EPB41L5: variants seen among roughly 807,000 people sequenced by gnomAD.
EPB41L5 encodes the protein erythrocyte membrane protein band 4.1 like 5.
EPB41L5 carries 55 observed loss-of-function variants against 106.6 expected under a neutral mutation model. The ratio of observed to expected loss-of-function variants is 0.52; its 90% CI spans 0.42 to 0.65. EPB41L5 has a LOEUF of 0.65. Among genes scored for constraint, EPB41L5 ranks in the 30% least tolerant of loss-of-function variants. The probability of loss-of-function intolerance (pLI) is 0.00; values close to 1 mark genes in which losing one functional copy is unlikely to be tolerated. For missense variants in EPB41L5, 871 were observed against 882.1 expected, an observed-to-expected ratio of 0.99 and a Z score of 0.16; for synonymous variants, 297 against 306.7, an observed-to-expected ratio of 0.97 and a Z score of 0.33.
chr2:120,064,897 A>G (rs1326304658), intron 3 of EPB41L5, among the ~76,000 whole-genome samples: 1 of 152,202 alleles, frequency 6.6e-6, no homozygotes, highest in Non-Finnish European at 1.5e-5. Flanking sequence ...ACTTGAGAAT[A>G]TGCAAACATG....
rs13416249 is a variant in EPB41L5, at chr2:120,060,608, G to T, written c.286-12570G>T. 1.8e-3 allele frequency among the ~76,000 whole-genome samples: 279 copies of T among 152,270 alleles called. 1 individual carries two copies. Among genetic ancestry groups the T allele is most frequent in the African/African-American group, 6.3e-3 (263 of 41,558 alleles). ...AAATTAATGGTTGCTAAGGGTTAGG[G>T]ATATTGGCGTTGGGGGAGTGGTGAC... On this transcript the variant is annotated intron_variant, in intron 3 of 24. Transcript: ENST00000263713.
At chr2:120,085,765 T>G (rs1683013377) in intron 10 of EPB41L5, among the ~76,000 whole-genome samples, 1 of 152,240 alleles carries the variant, frequency 6.6e-6, no homozygotes, top group Non-Finnish European at 1.5e-5. Flanking sequence ...TTTTGGGTGT[T>G]AAATCCCCTC....
intron 9 of EPB41L5, among the ~76,000 whole-genome samples, chr2:120,078,049 G>A (rs1682379032): frequency 6.6e-6 from 1 of 152,062 alleles, no homozygotes; most frequent in African/African-American, 2.4e-5. Flanking sequence ...GAACAGCAAG[G>A]GGGAAGTCCG....
chr2:120,049,787 T>C (rs1680094959), intron 3 of EPB41L5, among the ~76,000 whole-genome samples: 1 of 152,224 alleles, frequency 6.6e-6, no homozygotes, highest in Admixed American at 6.5e-5. Flanking sequence ...GGCATGGTTT[T>C]GCAGTGGCTG....
At chr2:120,080,163 G>A (rs1682543496) in intron 10 of EPB41L5, among the ~76,000 whole-genome samples, 1 of 150,986 alleles carries the variant, frequency 6.6e-6, no homozygotes, top group South Asian at 2.1e-4. Flanking sequence ...AAGTGTGCAG[G>A]TTTGTTACGT....
intron 3 of EPB41L5, among the ~76,000 whole-genome samples, chr2:120,056,116 T>G (rs951871813): frequency 6.6e-6 from 1 of 152,168 alleles, no homozygotes; most frequent in African/African-American, 2.4e-5. Context: ...TTTCTATTCC[T>G]AGTTCGTTGA....
At chr2:120,020,154 A>G (rs1226322358) in intron 2 of EPB41L5, among the ~76,000 whole-genome samples, 3 of 152,186 alleles carry the variant, frequency 2.0e-5, no homozygotes, top group Non-Finnish European at 4.4e-5. Flanking sequence ...TGTGAGCTTC[A>G]TAGGATATTC....
intron 2 of EPB41L5, among the ~76,000 whole-genome samples, chr2:120,024,786 G>T (rs573720779): frequency 6.6e-6 from 1 of 152,208 alleles, no homozygotes; most frequent in South Asian, 2.1e-4. Flanking sequence ...CATTGGTTCT[G>T]TTTAGGTGAT....
chr2:120,075,974 T>A (rs935338547), intron 7 of EPB41L5, among the ~76,000 whole-genome samples: 8 of 152,196 alleles, frequency 5.3e-5, no homozygotes, highest in Admixed American at 4.6e-4. Flanking sequence ...TGTTGAAACG[T>A]CATACTCTAC....
intron 8 of EPB41L5, 32 bp from the exon 9 acceptor site, chr2:120,077,197 G>T: frequency 6.3e-7 from 1 of 1,585,470 alleles, no homozygotes; most frequent in Non-Finnish European, 8.6e-7. Flanking sequence ...TATATTTATT[G>T]TTACTTTAAA....
At chr2:120,068,127 G>C (rs916902376) in intron 3 of EPB41L5, among the ~76,000 whole-genome samples, 4 of 152,206 alleles carry the variant, frequency 2.6e-5, no homozygotes, top group Non-Finnish European at 5.9e-5. Context: ...AGCTCATGGA[G>C]GGCAAGCCGA....
intron 3 of EPB41L5, among the ~76,000 whole-genome samples, chr2:120,048,089 T>C (rs191299614): frequency 0.023 from 3,336 of 148,070 alleles, 119 homozygotes; most frequent in African/African-American, 0.078. Context: ...AGTTTTGCAT[T>C]GATGTTCATC....
chr2:120,130,777 G>T lies in EPB41L5; in HGVS notation c.1502-841G>T, dbSNP rs532600387. 4.1e-4 allele frequency among the ~76,000 whole-genome samples: 62 copies of T among 152,296 alleles called. 1 individual carries two copies. In the South Asian group the frequency reaches 0.013, roughly 31 times the overall value. On this transcript the variant is annotated intron_variant, in intron 17 of 24. Coordinates refer to ENST00000263713, the MANE Select transcript of EPB41L5 (RefSeq NM_020909.4). The stretch of plus-strand genomic sequence containing the variant: ...GAAAGCTCTCCAGCTGATTGTTAAC[G>T]TGTATCCGGGGCCTCCACTCAGTTA...
chr2:120,094,509 G>A (rs1238031449), intron 14 of EPB41L5, among the ~76,000 whole-genome samples: 1 of 148,524 alleles, frequency 6.7e-6, no homozygotes, highest in African/African-American at 2.5e-5. Flanking sequence ...CTAGCAAAAG[G>A]TTTGTCAATT....
chr2:120,167,247 A>T (rs1320243354), intron 22 of EPB41L5, among the ~76,000 whole-genome samples: 2 of 152,236 alleles, frequency 1.3e-5, no homozygotes, highest in African/African-American at 2.4e-5. Flanking sequence ...GAGATTCTCA[A>T]AATTATGACA....
intron 24 of EPB41L5, among the ~76,000 whole-genome samples, chr2:120,171,068 G>A (rs1293744655): frequency 6.6e-6 from 1 of 152,212 alleles, no homozygotes; most frequent in Non-Finnish European, 1.5e-5. Context: ...TTACTTTGCA[G>A]CGTTCTCTGT....
chr2:120,146,156 A>T, intron 19 of EPB41L5, 69 bp from the exon 20 acceptor site: 1 of 939,946 alleles, frequency 1.1e-6, no homozygotes, highest in South Asian at 1.5e-5. Flanking sequence ...ACCAGAAAGA[A>T]ATGTAAATTT....
Position 120,088,288 on chromosome 2 carries a change from A to G in EPB41L5, c.873+1048A>G, listed in dbSNP as rs192455333. On this transcript the variant is annotated intron_variant, in intron 11 of 24. Transcript: ENST00000263713. Reference sequence around the variant, plus strand: ...AGAATGAGATCTTTTTTGCGGGACCATGGATGGAGCTGGAGGATATTATCC... The same window carrying G: ...AGAATGAGATCTTTTTTGCGGGACCGTGGATGGAGCTGGAGGATATTATCC... Among the ~76,000 whole-genome samples the G allele has an allele frequency of 5.0e-3, 756 of 152,292 alleles. 11 individuals are homozygous for G. The highest frequency in any genetic ancestry group is 0.017 in the African/African-American group (724 of 41,548).
intron 20 of EPB41L5, among the ~76,000 whole-genome samples, chr2:120,159,312 A>G (rs1468508648): frequency 6.6e-6 from 1 of 150,732 alleles, no homozygotes; most frequent in Non-Finnish European, 1.5e-5. Flanking sequence ...AATCCCAGCT[A>G]CTCGGGAGGC....
Sources: allele counts gnomAD v4.1 joint callset (sites outside exome capture counted in the v4.1 genomes callset), GRCh38; gene constraint gnomAD v4.1.1; transcripts MANE v1.5; gene names NCBI Gene and HGNC (gene_info 2026-07-23, HGNC 2026-07-21).